Variants in ITGA9 observed in about 807,000 individuals in gnomAD.
ITGA9 encodes integrin alpha-9.
ITGA9 carries 56 observed loss-of-function variants against 127.8 expected under a neutral mutation model. That is an observed-to-expected ratio of 0.44 (90% CI 0.35 to 0.55). The LOEUF (loss-of-function observed/expected upper bound fraction) is 0.55. Among genes scored for constraint, ITGA9 ranks in the 20% least tolerant of loss-of-function variants. The pLI is 0.00. For missense variants in ITGA9, 1,196 were observed against 1,347.1 expected, an observed-to-expected ratio of 0.89 and a Z score of 1.76; for synonymous variants, 508 against 514.5, an observed-to-expected ratio of 0.99 and a Z score of 0.17.
At position 37,466,483 on chromosome 3, in the gene ITGA9, C is replaced by CAAAAAAAAAAA. The variant is rs60980366; in HGVS notation, c.186-4504_186-4494dup. The stretch of plus-strand genomic sequence containing the variant: ...TGGGTAACAGAGCAAGACACCATCT[C>CAAAAAAAAAAA]AAAAAAAAAAAAAAAAAAAAAAAAA... On this transcript the variant is annotated intron_variant, in intron 1 of 27. Coordinates refer to ENST00000264741, the MANE Select transcript of ITGA9 (RefSeq NM_002207.3). Among the ~76,000 whole-genome samples, 116 of 26,060 alleles carry CAAAAAAAAAAA rather than the reference C, an allele frequency of 4.5e-3. 35 individuals are homozygous for CAAAAAAAAAAA. The highest frequency in any genetic ancestry group is 5.6e-3 in the African/African-American group (29 of 5,208). The allele number at this position is 26,060 out of a possible 152,430, so 17.1% of individuals were successfully genotyped here. A position where few individuals can be genotyped will look rare whatever the true frequency, so the allele number is the denominator to read the frequency against.
chr3:37,754,637 G>A (rs1412158827), intron 23 of ITGA9, among the ~76,000 whole-genome samples: 1 of 152,160 alleles, frequency 6.6e-6, no homozygotes, highest in Non-Finnish European at 1.5e-5. Context: ...ATTTTCTAAG[G>A]AGATATATCA....
At chr3:37,467,591 C>A (rs1698385569) in intron 1 of ITGA9, among the ~76,000 whole-genome samples, 1 of 152,158 alleles carries the variant, frequency 6.6e-6, no homozygotes, top group African/African-American at 2.4e-5. Flanking sequence ...GGAGGAAGAA[C>A]CTGTTGTTTC....
chr3:37,522,100 G>C (rs972143677), intron 11 of ITGA9, among the ~76,000 whole-genome samples: 6 of 151,954 alleles, frequency 3.9e-5, no homozygotes, highest in Non-Finnish European at 5.9e-5. Flanking sequence ...AGGATGACTC[G>C]GGAAAGAGAA....
At chr3:37,500,937 G>A (rs1283762187) in intron 5 of ITGA9, among the ~76,000 whole-genome samples, 2 of 152,104 alleles carry the variant, frequency 1.3e-5, no homozygotes, top group African/African-American at 4.8e-5. Flanking sequence ...TTTGTCTATA[G>A]CTGAAAGATT....
chr3:37,810,220 G>A (rs1271910113), intron 27 of ITGA9, among the ~76,000 whole-genome samples: 6 of 152,146 alleles, frequency 3.9e-5, no homozygotes, highest in South Asian at 4.1e-4. Flanking sequence ...AACGTGAATC[G>A]TGACATGGTA....
At chr3:37,576,035 C>G (rs1299024724) in intron 15 of ITGA9, among the ~76,000 whole-genome samples, 2 of 152,186 alleles carry the variant, frequency 1.3e-5, no homozygotes, top group African/African-American at 4.8e-5. Context: ...TCGGCCATAA[C>G]CCCGGGAAAG....
chr3:37,542,379 A>C lies in ITGA9; in HGVS notation c.1529-46A>C, dbSNP rs772387111. 166 of 1,606,950 alleles carry C rather than the reference A, an allele frequency of 1.0e-4. 1 individual carries two copies. Among genetic ancestry groups the C allele is most frequent in the Middle Eastern group, 2.2e-4 (1 of 4,562 alleles). ...CAAGGAAAAGAGGTGGCCTCATCAC[A>C]GTGTGTCGGTCCTTTCTGACATTTT... On this transcript the variant is annotated intron_variant, in intron 14 of 27. Transcript: ENST00000264741.
At chr3:37,677,389 G>T (rs1408121636) in intron 17 of ITGA9, among the ~76,000 whole-genome samples, 1 of 152,150 alleles carries the variant, frequency 6.6e-6, no homozygotes, top group African/African-American at 2.4e-5. Context: ...CATGAGAGTG[G>T]CTAAAGACAT....
At chr3:37,614,803 G>A (rs576868065) in intron 15 of ITGA9, among the ~76,000 whole-genome samples, 2,488 of 152,162 alleles carry the variant, frequency 0.016, 33 homozygotes, top group Middle Eastern at 0.031. Flanking sequence ...TGTGATTTTT[G>A]CACATTGATT....
chr3:37,773,590 C>CTTT (rs11438112), intron 23 of ITGA9, among the ~76,000 whole-genome samples: 3 of 148,520 alleles, frequency 2.0e-5, no homozygotes, highest in African/African-American at 4.9e-5. Context: ...ATTTAACTCT[C>CTTT]TTTTTTTTTT....
chr3:37,656,420 T>C (rs942834175), intron 17 of ITGA9, among the ~76,000 whole-genome samples: 3 of 152,166 alleles, frequency 2.0e-5, no homozygotes, highest in Admixed American at 6.5e-5. Context: ...CTCTTGTAAG[T>C]TGGATTCCTA....
chr3:37,764,626 C>T (rs1696759553), intron 23 of ITGA9, among the ~76,000 whole-genome samples: 1 of 152,184 alleles, frequency 6.6e-6, no homozygotes. Context: ...ATGAATGCTG[C>T]TGAAGGCTCT....
At chr3:37,710,500 G>T (rs768358413) in intron 18 of ITGA9, among the ~76,000 whole-genome samples, 4 of 152,202 alleles carry the variant, frequency 2.6e-5, no homozygotes, top group Non-Finnish European at 5.9e-5. Flanking sequence ...TCCTGGGCTC[G>T]CAGGGCTGTC....
At chr3:37,570,223 C>T (rs1455420498) in intron 15 of ITGA9, among the ~76,000 whole-genome samples, 1 of 152,238 alleles carries the variant, frequency 6.6e-6, no homozygotes, top group African/African-American at 2.4e-5. Flanking sequence ...AAGTGGTTGG[C>T]AGCTTTTACT....
At chr3:37,798,228 A>C (rs1697197241) in intron 26 of ITGA9, among the ~76,000 whole-genome samples, 1 of 152,118 alleles carries the variant, frequency 6.6e-6, no homozygotes, top group Admixed American at 6.6e-5. Flanking sequence ...AGGCTCAAGC[A>C]ACCCTCCCAC....
At chr3:37,568,352 G>A (rs1267962981) in intron 15 of ITGA9, among the ~76,000 whole-genome samples, 1 of 152,176 alleles carries the variant, frequency 6.6e-6, no homozygotes, top group African/African-American at 2.4e-5. Flanking sequence ...AGGCCTCCAG[G>A]CCTGTGATAG....
chr3:37,732,669 C>T (rs1165307342), intron 18 of ITGA9, 43 bp from the exon 19 acceptor site: 1 of 1,481,930 alleles, frequency 6.7e-7, no homozygotes, highest in Non-Finnish European at 9.3e-7. Flanking sequence ...CACACACCTG[C>T]CTTTTGTGCA....
At chr3:37,457,034 TGTAA>T (rs1698267927) in intron 1 of ITGA9, among the ~76,000 whole-genome samples, 1 of 152,010 alleles carries the variant, frequency 6.6e-6, no homozygotes, top group Admixed American at 6.6e-5. Flanking sequence ...AGAGCAATGA[TGTAA>T]GTCTTAAAGG....
chr3:37,568,940 A>C (rs755422173), intron 15 of ITGA9, among the ~76,000 whole-genome samples: 1 of 152,214 alleles, frequency 6.6e-6, no homozygotes, highest in Non-Finnish European at 1.5e-5. Context: ...CCACATTTTC[A>C]GATATCTTCA....
Sources: allele counts gnomAD v4.1 joint callset (sites outside exome capture counted in the v4.1 genomes callset), GRCh38; gene constraint gnomAD v4.1.1; transcripts MANE v1.5; gene names NCBI Gene and HGNC (gene_info 2026-07-23, HGNC 2026-07-21).